Variants in COL16A1 observed in about 807,000 individuals in gnomAD.
COL16A1 encodes collagen alpha-1(XVI) chain.
Under a neutral mutation model 266.3 loss-of-function variants are expected in COL16A1, and 189 were observed. That is an observed-to-expected ratio of 0.71 (90% CI 0.63 to 0.80). COL16A1 has a LOEUF of 0.80. Among genes scored for constraint, COL16A1 ranks in the 30% least tolerant of loss-of-function variants. The pLI, the probability that COL16A1 is intolerant of heterozygous loss-of-function variation, is 0.00. For missense variants in COL16A1, 1,928 were observed against 2,122.4 expected, an observed-to-expected ratio of 0.91 and a Z score of 1.80; for synonymous variants, 740 against 782.3, an observed-to-expected ratio of 0.95 and a Z score of 0.90.
At chr1:31,686,061 C>T in intron 28 of COL16A1, 30 bp downstream of exon 28, 2 of 1,612,934 alleles carry the variant, frequency 1.2e-6, no homozygotes, top group Non-Finnish European at 1.7e-6. Context: ...CTCACCCAGG[C>T]TGCAGCACGG....
At chr1:31,686,324 T>C (rs2148784514) in intron 26 of COL16A1, 45 bp from the exon 27 acceptor site, 1 of 1,613,980 alleles carries the variant, frequency 6.2e-7, no homozygotes, top group South Asian at 1.1e-5. Context: ...GGATGGAGTC[T>C]GGGTGCTAGA....
chr1:31,653,422 G>T, intron 70 of COL16A1, 177 bp downstream of exon 70: 1 of 710,192 alleles, frequency 1.4e-6, no homozygotes, highest in Non-Finnish European at 2.2e-6. Context: ...TGAGTCTTCC[G>T]CCCCCACATC....
intron 57 of COL16A1, 75 bp downstream of exon 57, chr1:31,662,512 T>G: frequency 6.5e-7 from 1 of 1,545,384 alleles, no homozygotes; most frequent in South Asian, 1.2e-5. Context: ...CACACACAGG[T>G]GCACACACAC....
In COL16A1 at chr1:31,699,933, T is replaced by C. The variant is rs1303579160; in HGVS notation, c.149-3A>G. 1 of 1,609,026 alleles carries C rather than the reference T, an allele frequency of 6.2e-7. No homozygotes were observed. Among genetic ancestry groups the C allele is most frequent in the South Asian group, 1.1e-5 (1 of 90,938 alleles). On this transcript the variant is annotated splice_region_variant and splice_polypyrimidine_tract_variant and intron_variant, in intron 3 of 70. Coordinates refer to ENST00000373672, the MANE Select transcript of COL16A1 (RefSeq NM_001856.4). ...GAGTCGGTGGATGAGGTTGAAGCCT[T>C]TGGGGGAGACATCAGGTGAAGAGCT...
In COL16A1 at chr1:31,675,212, A is replaced by G. The variant is rs763970846; in HGVS notation, c.2826+46T>C. ...GCTTCATAGCCTGAGCAGCCCTGGG[A>G]AGGGCAGGGAAGGGGCATGCACAGG... On this transcript the variant is annotated intron_variant, in intron 43 of 70. Coordinates refer to ENST00000373672, the MANE Select transcript of COL16A1 (RefSeq NM_001856.4). 3 of 1,613,930 alleles carry G rather than the reference A, an allele frequency of 1.9e-6. No homozygotes were observed. In the South Asian group the frequency reaches 3.3e-5, roughly 18 times the overall value.
Position 31,652,666 on chromosome 1 carries a change from C to G in COL16A1, c.4800G>C (p.Lys1600Asn), listed in dbSNP as rs1640726752. 6.3e-7 allele frequency: 1 copy of G among 1,584,318 alleles called. No homozygotes were observed. Among genetic ancestry groups the G allele is most frequent in the Non-Finnish European group, 8.5e-7 (1 of 1,170,362 alleles). The change falls in exon 71 of 71, where the codon AAG becomes AAC. Residue 1600 changes from lysine to asparagine, a missense_variant. Physicochemically the swap from Lys to Asn is moderately conservative, Grantham distance 94 (BLOSUM62 0). Coordinates refer to ENST00000373672, the MANE Select transcript of COL16A1 (RefSeq NM_001856.4). The surrounding 1 kb of genome is among the most constrained non-coding windows in gnomAD (Gnocchi z 4.8). ...EQQYPPMKTM[K>N]GPFG is the part of the protein sequence containing the mutation. The stretch of plus-strand genomic sequence containing the variant: ...GTGGGGAATTTCAGCCAAAAGGCCC[C>G]TTCATGGTTTTCATGGGTGGGTACT...
rs1641921241 is a variant in COL16A1 at position 31,664,135 on chromosome 1, A to C, written c.3555+1037T>G. On this transcript the variant is annotated intron_variant, in intron 56 of 70. Coordinates refer to ENST00000373672, the MANE Select transcript of COL16A1 (RefSeq NM_001856.4). The surrounding 1 kb of genome is among the most constrained non-coding windows in gnomAD (Gnocchi z 5.5). The stretch of plus-strand genomic sequence containing the variant: ...CAGCCTAAGGAGAGCAGGGGCTGCC[A>C]CTCAGGTCCTGGGGAGGGGAAGGAA... Among the ~76,000 whole-genome samples, 1 of 129,688 alleles carries C rather than the reference A, an allele frequency of 7.7e-6. No individual in the cohort carries two copies. The highest frequency in any genetic ancestry group is 1.6e-5 in the Non-Finnish European group (1 of 62,674). The allele number at this position is 129,688 out of a possible 152,430, so 85.1% of individuals were successfully genotyped here.
At chr1:31,671,540 G>C (rs1229410748) in intron 48 of COL16A1, 75 bp downstream of exon 48, 20 of 1,590,526 alleles carry the variant, frequency 1.3e-5, no homozygotes, top group South Asian at 3.4e-5. Flanking sequence ...TGGGGACAAG[G>C]CCGCGGGATG....
chr1:31,679,912 C>A (rs958125217), intron 40 of COL16A1, 61 bp from the exon 41 acceptor site: 3 of 1,529,066 alleles, frequency 2.0e-6, no homozygotes, highest in Non-Finnish European at 8.8e-7. Flanking sequence ...CTACACCAAG[C>A]GCGGGGCTGC....
chr1:31,699,114 C>CA lies in COL16A1; in HGVS notation c.267-509dup, dbSNP rs1185395947. 4.0e-5 allele frequency among the ~76,000 whole-genome samples: 6 copies of CA among 149,128 alleles called. No individual in the cohort carries two copies. In the East Asian group the frequency reaches 5.9e-4, roughly 15 times the overall value. On this transcript the variant is annotated intron_variant, in intron 4 of 70. Coordinates refer to ENST00000373672, the MANE Select transcript of COL16A1 (RefSeq NM_001856.4). ...GGTCTCAAAAAGAAAACCAACCAAC[C>CA]AACCAAACAAACAAACAAACAAAAA...
chr1:31,692,313 G>A (rs972404084), intron 16 of COL16A1, among the ~76,000 whole-genome samples, 161 bp downstream of exon 16: 31 of 151,808 alleles, frequency 2.0e-4, no homozygotes, highest in Non-Finnish European at 2.2e-4. Context: ...GTATTTGGAC[G>A]AGGCAGGGTG....
intron 4 of COL16A1, among the ~76,000 whole-genome samples, chr1:31,699,362 A>G (rs1489735783): frequency 6.6e-6 from 1 of 152,256 alleles, no homozygotes; most frequent in Non-Finnish European, 1.5e-5. Flanking sequence ...GAAAGGGTTC[A>G]GCATGACCAG....
At chr1:31,661,935 A>G (rs550988025) in intron 58 of COL16A1, among the ~76,000 whole-genome samples, 1 of 151,998 alleles carries the variant, frequency 6.6e-6, no homozygotes, top group South Asian at 2.1e-4. Flanking sequence ...TTGATGTTCT[A>G]CCCTGTCCTG....
In COL16A1 at chr1:31,658,821, G is replaced by T. The variant is rs1373822452; in HGVS notation, c.3930+93C>A. On this transcript the variant is annotated intron_variant, in intron 63 of 70. Coordinates refer to ENST00000373672, the MANE Select transcript of COL16A1 (RefSeq NM_001856.4). The stretch of plus-strand genomic sequence containing the variant: ...AGGGAAGGAGGGGATGAGACAAACT[G>T]TTCTCCATCCCCCCAGCTTCCTCTG... The T allele has an allele frequency of 2.8e-6, 4 of 1,417,200 alleles. No individual in the cohort carries two copies. In the African/African-American group the frequency reaches 5.7e-5, roughly 20 times the overall value. 87.8% of individuals were successfully genotyped at this position (1,417,200 alleles called of 1,614,324 possible). A position where few individuals can be genotyped will look rare whatever the true frequency, so the allele number is the denominator to read the frequency against.
intron 39 of COL16A1, 105 bp downstream of exon 39, chr1:31,680,800 G>A: frequency 6.3e-7 from 1 of 1,591,812 alleles, no homozygotes; most frequent in Middle Eastern, 1.8e-4. Flanking sequence ...TTCATGGTGG[G>A]AAGGCTGGAG....
chr1:31,692,384 C>T (rs529151666), intron 16 of COL16A1, 90 bp downstream of exon 16: 835 of 1,513,270 alleles, frequency 5.5e-4, no homozygotes, highest in Admixed American at 2.6e-3. Flanking sequence ...CTGACACCCT[C>T]TCCTCAGAGA....
chr1:31,663,018 A>T lies in COL16A1; in HGVS notation c.3556-360T>A. 3.4e-6 allele frequency: 1 copy of T among 291,550 alleles called. No individual in the cohort carries two copies. Among genetic ancestry groups the T allele is most frequent in the Non-Finnish European group, 6.6e-6 (1 of 152,208 alleles). The allele number at this position is 291,550 out of a possible 1,614,324, so 18.1% of individuals were successfully genotyped here. A position where few individuals can be genotyped will look rare whatever the true frequency, so the allele number is the denominator to read the frequency against. ...TGCCTGTTGTATTCTACTCCATCAG[A>T]CCCCCTGCCTCCTCCCCACCTACCT... On this transcript the variant is annotated intron_variant, in intron 56 of 70. Transcript: ENST00000373672. The surrounding 1 kb of genome is among the most constrained non-coding windows in gnomAD (Gnocchi z 4.9).
Position 31,694,124 on chromosome 1 carries a change from C to G in COL16A1, c.1008+20G>C, listed in dbSNP as rs183835655. 1 of 1,599,744 alleles carries G rather than the reference C, an allele frequency of 6.3e-7. No homozygotes were observed. Among genetic ancestry groups the G allele is most frequent in the Non-Finnish European group, 8.5e-7 (1 of 1,171,488 alleles). On this transcript the variant is annotated intron_variant, in intron 12 of 70. Transcript: ENST00000373672. ...GATGCTAAAGAGGACGGGAATGTCC[C>G]GTTCTCCATTAGGACTCACCTTGGG...
Position 31,698,192 on chromosome 1 carries a change from G to C in COL16A1, c.391-20C>G. The C allele has an allele frequency of 1.2e-6, 2 of 1,612,508 alleles. No individual in the cohort carries two copies. Among genetic ancestry groups the C allele is most frequent in the Non-Finnish European group, 1.7e-6 (2 of 1,179,318 alleles). The stretch of plus-strand genomic sequence containing the variant: ...GGATATCTGGGTAGAATTTGGAAAG[G>C]GAAAGGACAGAGATTCAGAGCTCCA... On this transcript the variant is annotated intron_variant, in intron 5 of 70. Transcript: ENST00000373672. This position sits in a 1 kb window ranked among gnomAD's most constrained non-coding sequence, Gnocchi z 4.1.
Sources: allele counts gnomAD v4.1 joint callset (sites outside exome capture counted in the v4.1 genomes callset), GRCh38; gene constraint gnomAD v4.1.1; non-coding constraint Gnocchi (gnomAD v3.1); transcripts MANE v1.5; gene names NCBI Gene and HGNC (gene_info 2026-07-23, HGNC 2026-07-21).